Variants in ANKLE2 observed in about 807,000 individuals in gnomAD.
The protein encoded by ANKLE2 is ankyrin repeat and LEM domain containing 2.
In ANKLE2, 55 loss-of-function variants were observed where a neutral mutation model predicts 84.2. That is an observed-to-expected ratio of 0.65 (90% CI 0.53 to 0.82). ANKLE2 has a LOEUF of 0.82. ANKLE2 is among the 40% of genes least tolerant of loss of function. ANKLE2 has a pLI of 0.00. For missense variants in ANKLE2, 1,238 were observed against 1,201.9 expected, an observed-to-expected ratio of 1.03 and a Z score of -0.44; for synonymous variants, 551 against 486.1, an observed-to-expected ratio of 1.13 and a Z score of -1.76.
chr12:132,750,893 G>A, intron 2 of ANKLE2, 44 bp from the exon 3 acceptor site: 3 of 1,570,828 alleles, frequency 1.9e-6, no homozygotes, highest in South Asian at 1.1e-5. Context: ...AAGAGTGACT[G>A]GAGAGCTGTC....
At chr12:132,734,806 T>G in intron 9 of ANKLE2, 2 of 509,964 alleles carry the variant, frequency 3.9e-6, no homozygotes, top group Non-Finnish European at 6.8e-6. Flanking sequence ...GTGAACCGGC[T>G]GCAGGCAGGA....
intron 1 of ANKLE2, chr12:132,760,663 G>C (rs1250494160): frequency 6.6e-6 from 1 of 152,316 alleles, no homozygotes; most frequent in East Asian, 1.9e-4. Context: ...GTAAAACCGG[G>C]GGGAAGCGCT....
rs2043697860 is a variant in ANKLE2, at chr12:132,726,346, G to T, written c.*896C>A. On this transcript the variant is annotated 3_prime_UTR_variant, in exon 13 of 13. Coordinates refer to ENST00000357997, the MANE Select transcript of ANKLE2 (RefSeq NM_015114.3). ...CTCTAAATGCAACACTCTGCATACA[G>T]GAGATCCCAACTGAAATGAGTTCCA... is the stretch of plus-strand genomic sequence containing the variant. The T allele has an allele frequency of 2.6e-5, 4 of 152,352 alleles. No homozygotes were observed. Among genetic ancestry groups the T allele is most frequent in the Admixed American group, 2.6e-4 (4 of 15,282 alleles). The allele number at this position is 152,352 out of a possible 1,614,324, so 9.4% of individuals were successfully genotyped here. A position where few individuals can be genotyped will look rare whatever the true frequency, so the allele number is the denominator to read the frequency against.
intron 5 of ANKLE2, among the ~76,000 whole-genome samples, chr12:132,746,767 G>T (rs1182497363): frequency 6.6e-6 from 1 of 152,158 alleles, no homozygotes; most frequent in African/African-American, 2.4e-5. Context: ...ATAAATGAGG[G>T]TTGCTCAATG....
rs913733539 is a variant in ANKLE2 at position 132,726,231 on chromosome 12, G to A, written c.*1011C>T. The A allele has an allele frequency of 4.6e-5, 7 of 153,772 alleles. No individual in the cohort carries two copies. The highest frequency in any genetic ancestry group is 7.6e-4 in the Middle Eastern group (1 of 1,318). The allele number at this position is 153,772 out of a possible 1,614,324, so 9.5% of individuals were successfully genotyped here. The stretch of plus-strand genomic sequence containing the variant: ...GGCAGCACCTCCTGAACACCTCAGC[G>A]GCTCCTCACACATTCCAACCACAGA... On this transcript the variant is annotated 3_prime_UTR_variant, in exon 13 of 13. Transcript: ENST00000357997.
At chr12:132,755,317 G>A in intron 1 of ANKLE2, 184 bp from the exon 2 acceptor site, 1 of 562,960 alleles carries the variant, frequency 1.8e-6, no homozygotes, top group Non-Finnish European at 3.1e-6. Context: ...GCTGAGGCGG[G>A]CGGATCATCT....
chr12:132,730,041 G>C lies in ANKLE2; in HGVS notation c.2121C>G (p.His707Gln). The change falls in exon 11 of 13, where the codon CAC (histidine) becomes CAG (glutamine). Residue 707 changes from histidine (H) to glutamine (Q), a missense_variant. Around this residue, in one of 3 missense-constraint regions of ANKLE2, gnomAD observed 802 missense variants for 774.5 expected, o/e 1.04. Coordinates refer to ENST00000357997, the MANE Select transcript of ANKLE2 (RefSeq NM_015114.3). ...SRNGLCHPLN[H>Q]SRTLAGKRPK... ...GTCTCTTGCCCGCCAGGGTCCTGCT[G>C]TGATTCAGAGGATGGCAGAGCCCAT... The C allele has an allele frequency of 6.2e-7, 1 of 1,613,196 alleles. No individual in the cohort carries two copies. The highest frequency in any genetic ancestry group is 1.1e-5 in the South Asian group (1 of 91,066).
At chr12:132,761,360 G>A (rs1005658713) in intron 1 of ANKLE2, 32 of 310,238 alleles carry the variant, frequency 1.0e-4, no homozygotes, top group Non-Finnish European at 1.7e-4. Flanking sequence ...CGCCTTCCCC[G>A]GAGGCTGCTC....
In ANKLE2 at chr12:132,730,003, CG is replaced by C. The variant is rs769880047; in HGVS notation, c.2158del (p.Arg720ValfsTer13). On this transcript the variant is annotated frameshift_variant, in exon 11 of 13. Coordinates refer to ENST00000357997, the MANE Select transcript of ANKLE2 (RefSeq NM_015114.3). LOFTEE classifies it high-confidence loss of function. ...TLAGKRPKAP[R>X]GEEAHLPPVS... ...AGGTGGCAGATGGGCTTCCTCCCCA[CG>C]GGGGGCCTTTGGTCTCTTGCCCGCC... 2 of 1,612,974 alleles carry C rather than the reference CG, an allele frequency of 1.2e-6. No homozygotes were observed. The highest frequency in any genetic ancestry group is 2.2e-5 in the East Asian group (1 of 44,828).
At chr12:132,728,789 T>C (rs1480559391) in intron 11 of ANKLE2, among the ~76,000 whole-genome samples, 3 of 152,206 alleles carry the variant, frequency 2.0e-5, no homozygotes, top group African/African-American at 4.8e-5. Context: ...GCTGTTAAAA[T>C]GCAGTTTTGC....
rs571023988 is a variant in ANKLE2, at chr12:132,727,241, C to T, written c.*1G>A. The T allele has an allele frequency of 1.8e-5, 28 of 1,550,802 alleles. No homozygotes were observed. The East Asian group carries it at 6.7e-4, about 37-fold the overall frequency. On this transcript the variant is annotated 3_prime_UTR_variant, in exon 13 of 13. Coordinates refer to ENST00000357997, the MANE Select transcript of ANKLE2 (RefSeq NM_015114.3). ...AACAAACCGAGAGCCCAGCGCCAAGCCTACAGGGCGGCAAGCTCAGCCAGG... is the reference window on the plus strand; with the variant it reads ...AACAAACCGAGAGCCCAGCGCCAAGTCTACAGGGCGGCAAGCTCAGCCAGG...
Position 132,732,366 on chromosome 12 carries a change from C to T in ANKLE2, c.1891+2019G>A, listed in dbSNP as rs867811444. ...GCTCTCTGCGTCCTGGTGTCTGATACGCACTGTGAAGCGCTCTGCGTGCTG... is the reference window on the plus strand; with the variant it reads ...GCTCTCTGCGTCCTGGTGTCTGATATGCACTGTGAAGCGCTCTGCGTGCTG... On this transcript the variant is annotated intron_variant, in intron 10 of 12. Coordinates refer to ENST00000357997, the MANE Select transcript of ANKLE2 (RefSeq NM_015114.3). Among the ~76,000 whole-genome samples the T allele has an allele frequency of 1.6e-3, 189 of 115,628 alleles. 4 individuals carry two copies. Among genetic ancestry groups the T allele is most frequent in the African/African-American group, 6.4e-3 (161 of 25,240 alleles). The allele number at this position is 115,628 out of a possible 152,430, so 75.9% of individuals were successfully genotyped here.
Position 132,761,688 on chromosome 12 carries a change from C to T in ANKLE2, c.111G>A (p.Pro37=), listed in dbSNP as rs1198811111. The T allele has an allele frequency of 1.6e-5, 22 of 1,344,708 alleles. No individual in the cohort carries two copies. Among genetic ancestry groups the T allele is most frequent in the Non-Finnish European group, 1.9e-5 (20 of 1,040,738 alleles). 83.3% of individuals were successfully genotyped at this position (1,344,708 alleles called of 1,614,324 possible). The change falls in exon 1 of 13, where the codon CCG becomes CCA. Residue 37 remains proline, a synonymous_variant. Coordinates refer to ENST00000357997, the MANE Select transcript of ANKLE2 (RefSeq NM_015114.3). The part of the protein sequence containing the change: ...AVRWLVRRLG[P]RPGGLGRSGT... ...CGCTGCGGCCCAGACCTCCCGGCCGCGGGCCCAGCCGCCGCACCAGCCACC... is the reference window on the plus strand; with the variant it reads ...CGCTGCGGCCCAGACCTCCCGGCCGTGGGCCCAGCCGCCGCACCAGCCACC...
In ANKLE2 at chr12:132,743,122, T is replaced by G; in HGVS notation, c.1353+32A>C. 1.3e-6 allele frequency: 2 copies of G among 1,550,724 alleles called. No homozygotes were observed. Among genetic ancestry groups the G allele is most frequent in the Non-Finnish European group, 1.7e-6 (2 of 1,144,136 alleles). On this transcript the variant is annotated intron_variant, in intron 6 of 12. Coordinates refer to ENST00000357997, the MANE Select transcript of ANKLE2 (RefSeq NM_015114.3). The surrounding 1 kb of genome is among the most constrained non-coding windows in gnomAD (Gnocchi z 4.1). ...ATTTATATATTTCCATTTCTAACTC[T>G]AGATAGCAACTGCATTGTAATAAGT... is the stretch of plus-strand genomic sequence containing the variant.
intron 11 of ANKLE2, 24 bp from the exon 12 acceptor site, chr12:132,728,187 A>C: frequency 6.2e-7 from 1 of 1,602,434 alleles, no homozygotes; most frequent in African/African-American, 1.3e-5. Flanking sequence ...TAAAAGAAGC[A>C]AAAACATCTT....
chr12:132,727,377 G>A lies in ANKLE2; in HGVS notation c.2682C>T (p.Ser894=). 3 of 1,561,522 alleles carry A rather than the reference G, an allele frequency of 1.9e-6. No individual in the cohort carries two copies. The highest frequency in any genetic ancestry group is 2.6e-6 in the Non-Finnish European group (3 of 1,152,888). ...CCACGCTGTTTCTCCCCGGACTGTA[G>A]CTGTGAGGGCCACTGAGATCTGGCA... The part of the protein sequence containing the change: ...SQLPDLSGPH[S]YSPGRNSVAG... Residue 894 remains serine, a synonymous_variant, in exon 13 of 13, where the codon AGC becomes AGT. Transcript: ENST00000357997.
intron 5 of ANKLE2, among the ~76,000 whole-genome samples, chr12:132,746,144 G>T (rs577692117): frequency 2.0e-5 from 3 of 152,064 alleles, no homozygotes; most frequent in Non-Finnish European, 2.9e-5. Flanking sequence ...GTCAGGAGAT[G>T]GAGACCATCC....
At chr12:132,745,956 T>C (rs1003222710) in intron 5 of ANKLE2, among the ~76,000 whole-genome samples, 2 of 152,188 alleles carry the variant, frequency 1.3e-5, no homozygotes, top group African/African-American at 4.8e-5. Flanking sequence ...CTAAAGTTTG[T>C]AGGTGAAACA....
intron 10 of ANKLE2, among the ~76,000 whole-genome samples, chr12:132,733,483 C>T (rs183729359): frequency 8.6e-4 from 127 of 147,732 alleles, no homozygotes; most frequent in Non-Finnish European, 1.5e-3. Flanking sequence ...AAGCACTGCG[C>T]GTCCTGGTGT....
Sources: allele counts gnomAD v4.1 joint callset (sites outside exome capture counted in the v4.1 genomes callset), GRCh38; gene constraint gnomAD v4.1.1; regional missense constraint gnomAD v4.1.1; non-coding constraint Gnocchi (gnomAD v3.1); transcripts MANE v1.5; gene names NCBI Gene and HGNC (gene_info 2026-07-23, HGNC 2026-07-21).